The following MAPKAP1 variants were observed in gnomAD, a reference collection of about 807,000 sequenced individuals.
The protein encoded by MAPKAP1 is MAPK associated protein 1.
Under a neutral mutation model 65.7 loss-of-function variants are expected in MAPKAP1, and 20 were observed. The ratio of observed to expected loss-of-function variants is 0.30; its 90% CI spans 0.21 to 0.44. MAPKAP1 has a LOEUF of 0.44. Among genes scored for constraint, MAPKAP1 ranks in the 20% least tolerant of loss-of-function variants. MAPKAP1 has a pLI of 1.00. For missense variants in MAPKAP1, 423 were observed against 648.0 expected (o/e 0.65, Z 3.77); for synonymous variants, 222 against 244.3 (o/e 0.91, Z 0.85).
At chr9:125,693,804 T>C (rs1359843810) in intron 1 of MAPKAP1, among the ~76,000 whole-genome samples, 3 of 142,982 alleles carry the variant, frequency 2.1e-5, no homozygotes, top group Non-Finnish European at 3.0e-5. Context: ...CACACATATA[T>C]ATACACACAC....
intron 6 of MAPKAP1, among the ~76,000 whole-genome samples, chr9:125,547,550 C>T (rs1350644967): frequency 6.6e-6 from 1 of 152,122 alleles, no homozygotes; most frequent in Non-Finnish European, 1.5e-5. Context: ...TAAAGGGAGT[C>T]GACGTTAGTT....
intron 8 of MAPKAP1, among the ~76,000 whole-genome samples, chr9:125,501,452 T>C (rs923011843): frequency 2.6e-5 from 4 of 152,228 alleles, no homozygotes; most frequent in Non-Finnish European, 5.9e-5. Flanking sequence ...ATCTATATTT[T>C]TCAAACTGGC....
chr9:125,580,100 A>G (rs1831571832), intron 5 of MAPKAP1, among the ~76,000 whole-genome samples: 2 of 152,232 alleles, frequency 1.3e-5, no homozygotes, highest in African/African-American at 4.8e-5. Flanking sequence ...AGCGTAAACT[A>G]GTTCAACCAT....
intron 7 of MAPKAP1, among the ~76,000 whole-genome samples, chr9:125,531,513 A>AC (rs1829932599): frequency 6.6e-6 from 1 of 152,232 alleles, no homozygotes; most frequent in Admixed American, 6.5e-5. Context: ...AGAAACTATG[A>AC]CCTCAAAGAT....
At chr9:125,493,919 T>C (rs1854834686) in intron 8 of MAPKAP1, among the ~76,000 whole-genome samples, 1 of 152,166 alleles carries the variant, frequency 6.6e-6, no homozygotes, top group African/African-American at 2.4e-5. Context: ...AATTCCAAAA[T>C]TGCACCTTTA....
chr9:125,499,188 T>C (rs1828898051), intron 8 of MAPKAP1, among the ~76,000 whole-genome samples: 1 of 152,206 alleles, frequency 6.6e-6, no homozygotes, highest in South Asian at 2.1e-4. Flanking sequence ...GACTGCGTAA[T>C]ACATGATCAG....
intron 10 of MAPKAP1, among the ~76,000 whole-genome samples, chr9:125,446,473 C>A (rs1013089892): frequency 6.6e-6 from 1 of 152,076 alleles, no homozygotes; most frequent in African/African-American, 2.4e-5. Context: ...TCTGTGTGTG[C>A]GTCTGTATCT....
chr9:125,524,566 C>T (rs970905840), intron 7 of MAPKAP1, among the ~76,000 whole-genome samples: 31 of 152,138 alleles, frequency 2.0e-4, no homozygotes, highest in African/African-American at 7.0e-4. Context: ...TCTCTTTGTG[C>T]TACAAACAAA....
intron 4 of MAPKAP1, among the ~76,000 whole-genome samples, chr9:125,624,038 G>A (rs1833005147): frequency 2.8e-5 from 1 of 35,368 alleles, no homozygotes; most frequent in East Asian, 3.0e-3. Context: ...AGGTGGGGGG[G>A]TCAGCCCTCC....
At chr9:125,497,004 A>C (rs1053671378) in intron 8 of MAPKAP1, among the ~76,000 whole-genome samples, 1 of 152,130 alleles carries the variant, frequency 6.6e-6, no homozygotes, top group African/African-American at 2.4e-5. Flanking sequence ...AAATCCATTC[A>C]GGGGAATCAG....
At position 125,626,352 on chromosome 9, in the gene MAPKAP1, G is replaced by A. The variant is rs556122327; in HGVS notation, c.498+31299C>T. Among the ~76,000 whole-genome samples, 3 of 152,334 alleles carry A rather than the reference G, an allele frequency of 2.0e-5. No individual in the cohort carries two copies. The East Asian group carries it at 5.8e-4, about 29-fold the overall frequency. Reference sequence around the variant, plus strand: ...TAGCCTTCTGGAAACAGGTCTGGGGGCTCTAGCTCCCTCTGACCCCATTAC... The same window carrying A: ...TAGCCTTCTGGAAACAGGTCTGGGGACTCTAGCTCCCTCTGACCCCATTAC... On this transcript the variant is annotated intron_variant, in intron 4 of 11. Transcript: ENST00000265960.
intron 8 of MAPKAP1, among the ~76,000 whole-genome samples, chr9:125,492,904 G>GT (rs1854786734): frequency 6.6e-6 from 1 of 152,174 alleles, no homozygotes; most frequent in African/African-American, 2.4e-5. Flanking sequence ...CATATGCCAG[G>GT]TGCTGTGCTA....
At chr9:125,594,145 G>A (rs1218277441) in intron 4 of MAPKAP1, among the ~76,000 whole-genome samples, 1 of 152,094 alleles carries the variant, frequency 6.6e-6, no homozygotes, top group Non-Finnish European at 1.5e-5. Context: ...ATCTGTCAGC[G>A]AGACCACTGC....
intron 10 of MAPKAP1, among the ~76,000 whole-genome samples, chr9:125,452,137 T>C (rs1191165551): frequency 1.3e-5 from 2 of 151,180 alleles, no homozygotes; most frequent in Non-Finnish European, 2.9e-5. Flanking sequence ...TCTTCCTCTG[T>C]CACTCAGCTG....
chr9:125,707,070 T>G lies in MAPKAP1; in HGVS notation c.-169A>C, dbSNP rs924880991. 1 of 398,016 alleles carries G rather than the reference T, an allele frequency of 2.5e-6. No individual in the cohort carries two copies. Among genetic ancestry groups the G allele is most frequent in the African/African-American group, 2.1e-5 (1 of 48,596 alleles). The allele number at this position is 398,016 out of a possible 1,614,324, so 24.7% of individuals were successfully genotyped here. A position where few individuals can be genotyped will look rare whatever the true frequency, so the allele number is the denominator to read the frequency against. ...GCCTCCCGGCCCCTGCCCCGAGCTC[T>G]GCACTCTCGGGATCCACGGGGACCG... On this transcript the variant is annotated 5_prime_UTR_variant, in exon 1 of 12. Transcript: ENST00000265960.
chr9:125,516,678 G>A (rs954062103), intron 7 of MAPKAP1, among the ~76,000 whole-genome samples: 2 of 152,190 alleles, frequency 1.3e-5, no homozygotes, highest in South Asian at 4.1e-4. Context: ...ATGTGTGGCA[G>A]TTGGAGTGTG....
chr9:125,627,871 T>A (rs950709475), intron 4 of MAPKAP1, among the ~76,000 whole-genome samples: 9 of 152,226 alleles, frequency 5.9e-5, no homozygotes, highest in Non-Finnish European at 1.2e-4. Context: ...CTCAGAGAAC[T>A]AATTCACTTC....
At chr9:125,608,297 CATTT>C (rs1161307391) in intron 4 of MAPKAP1, among the ~76,000 whole-genome samples, 5 of 152,166 alleles carry the variant, frequency 3.3e-5, no homozygotes, top group Admixed American at 1.3e-4. Flanking sequence ...TTAGTCTGAT[CATTT>C]ATTTATTTAT....
At chr9:125,511,035 A>T (rs1829283002) in intron 7 of MAPKAP1, among the ~76,000 whole-genome samples, 1 of 152,160 alleles carries the variant, frequency 6.6e-6, no homozygotes, top group South Asian at 2.1e-4. Flanking sequence ...CTTCTTTATA[A>T]AACAGGGGAT....
Sources: allele counts gnomAD v4.1 joint callset (sites outside exome capture counted in the v4.1 genomes callset), GRCh38; gene constraint gnomAD v4.1.1; transcripts MANE v1.5; gene names NCBI Gene and HGNC (gene_info 2026-07-23, HGNC 2026-07-21).